The following HCN1 variants were observed in gnomAD, a reference collection of about 807,000 sequenced individuals.
HCN1 encodes the protein potassium/sodium hyperpolarization-activated cyclic nucleotide-gated channel 1.
Under a neutral mutation model 78.9 loss-of-function variants are expected in HCN1, and 13 were observed. That is an observed-to-expected ratio of 0.16 (90% CI 0.11 to 0.26). HCN1 has a LOEUF of 0.26. Ranked by LOEUF, HCN1 falls within the 10% of genes least tolerant of loss-of-function variation. HCN1 has a pLI of 1.00. For missense variants in HCN1, 810 were observed against 1,154.3 expected, an observed-to-expected ratio of 0.70 and a Z score of 4.32; for synonymous variants, 552 against 455.5, an observed-to-expected ratio of 1.21 and a Z score of -2.70.
At chr5:45,454,685 G>C (rs1213918370) in intron 3 of HCN1, among the ~76,000 whole-genome samples, 1 of 151,700 alleles carries the variant, frequency 6.6e-6, no homozygotes, top group Non-Finnish European at 1.5e-5. Flanking sequence ...TATTACTTTG[G>C]CTATATTATG....
At chr5:45,620,507 G>C (rs1389389611) in intron 2 of HCN1, among the ~76,000 whole-genome samples, 1 of 151,572 alleles carries the variant, frequency 6.6e-6, no homozygotes, top group Non-Finnish European at 1.5e-5. Context: ...ACTAGTATCA[G>C]AAGACAAATA....
intron 4 of HCN1, among the ~76,000 whole-genome samples, chr5:45,376,216 CATTAT>C (rs1561132335): frequency 2.1e-4 from 1 of 4,814 alleles, no homozygotes; most frequent in African/African-American, 1.0e-3. Flanking sequence ...ATATATAATA[CATTAT>C]ATATAATATA....
At chr5:45,632,538 G>T (rs996983920) in intron 2 of HCN1, among the ~76,000 whole-genome samples, 1 of 151,882 alleles carries the variant, frequency 6.6e-6, no homozygotes, top group African/African-American at 2.4e-5. Flanking sequence ...CTAAGAGTAC[G>T]AATTACAGCT....
chr5:45,680,199 T>C (rs1320375807), intron 1 of HCN1, among the ~76,000 whole-genome samples: 1 of 152,152 alleles, frequency 6.6e-6, no homozygotes, highest in Admixed American at 6.6e-5. Flanking sequence ...TTTTTCTCTT[T>C]GTACACTTAG....
intron 2 of HCN1, among the ~76,000 whole-genome samples, chr5:45,563,303 T>A (rs1448229229): frequency 6.6e-6 from 1 of 151,756 alleles, no homozygotes; most frequent in Non-Finnish European, 1.5e-5. Flanking sequence ...TACAAAAAAA[T>A]CAGCCAGGTG....
intron 2 of HCN1, among the ~76,000 whole-genome samples, chr5:45,572,537 T>G (rs1191612508): frequency 6.6e-6 from 1 of 152,202 alleles, no homozygotes; most frequent in Non-Finnish European, 1.5e-5. Context: ...TGTTTTTGTA[T>G]ATGTGGACAT....
intron 4 of HCN1, among the ~76,000 whole-genome samples, chr5:45,354,729 C>A (rs1002674531): frequency 3.9e-5 from 6 of 151,976 alleles, no homozygotes; most frequent in African/African-American, 1.4e-4. Flanking sequence ...GACTGTCCAT[C>A]AAACTATTTA....
At chr5:45,384,542 G>A (rs1026460892) in intron 4 of HCN1, among the ~76,000 whole-genome samples, 1 of 151,980 alleles carries the variant, frequency 6.6e-6, no homozygotes, top group African/African-American at 2.4e-5. Context: ...TAACATTCTT[G>A]TTTACTAAAC....
intron 5 of HCN1, 68 bp downstream of exon 5, chr5:45,353,012 TAGAGTAACGTGGACTAGAAG>T: frequency 8.8e-7 from 1 of 1,141,300 alleles, no homozygotes; most frequent in Non-Finnish European, 1.3e-6. Flanking sequence ...GGTTTTTCTT[TAGAGTAACGTGGACTAGAAG>T]ATTCTCCATG....
In HCN1 at chr5:45,344,718, C is replaced by T. The variant is rs149545376; in HGVS notation, c.1377+8382G>A. On this transcript the variant is annotated intron_variant, in intron 5 of 7. Transcript: ENST00000303230. ...AGGGCATGCTGATGCAAGAGGTGGGCTCGCATGGCCTTGGGCAGCTCTATC... is the reference window on the plus strand; with the variant it reads ...AGGGCATGCTGATGCAAGAGGTGGGTTCGCATGGCCTTGGGCAGCTCTATC... Among the ~76,000 whole-genome samples the T allele has an allele frequency of 6.5e-4, 99 of 152,334 alleles. 1 individual carries two copies. In the East Asian group the frequency reaches 0.011, roughly 18 times the overall value.
chr5:45,486,842 C>G (rs1035710653), intron 2 of HCN1, among the ~76,000 whole-genome samples: 1 of 151,996 alleles, frequency 6.6e-6, no homozygotes, highest in East Asian at 1.9e-4. Flanking sequence ...CTTTTATAAT[C>G]AGAAGATAAT....
At chr5:45,475,416 T>C (rs531416717) in intron 2 of HCN1, among the ~76,000 whole-genome samples, 112 of 152,194 alleles carry the variant, frequency 7.4e-4, no homozygotes, top group Middle Eastern at 3.4e-3. Flanking sequence ...TCTGACAACA[T>C]AAAACCCTCT....
chr5:45,487,508 A>T (rs564544965), intron 2 of HCN1, among the ~76,000 whole-genome samples: 68 of 151,996 alleles, frequency 4.5e-4, no homozygotes, highest in African/African-American at 1.5e-3. Context: ...TTTTTAATAT[A>T]TCTAGGCCAT....
chr5:45,580,067 G>A (rs187993791), intron 2 of HCN1, among the ~76,000 whole-genome samples: 18 of 152,182 alleles, frequency 1.2e-4, no homozygotes, highest in Non-Finnish European at 2.4e-4. Flanking sequence ...GACCTTCAAG[G>A]ATTCAGCCTA....
In HCN1 at chr5:45,365,777, A is replaced by AT. The variant is rs758478533; in HGVS notation, c.1231-12532dup. On this transcript the variant is annotated intron_variant, in intron 4 of 7. Transcript: ENST00000303230. ...TGAGAATCTCCATATCGTTTTACTTATTTTTTTTAAAAAAGACTTCTAATG... is the reference window on the plus strand; with the variant it reads ...TGAGAATCTCCATATCGTTTTACTTATTTTTTTTTAAAAAAGACTTCTAATG... 4.2e-4 allele frequency among the ~76,000 whole-genome samples: 64 copies of AT among 151,702 alleles called. No individual in the cohort carries two copies. In the East Asian group the frequency reaches 4.3e-3, roughly 10 times the overall value.
intron 3 of HCN1, among the ~76,000 whole-genome samples, chr5:45,408,741 T>C (rs1011581276): frequency 6.6e-6 from 1 of 152,190 alleles, no homozygotes; most frequent in East Asian, 1.9e-4. Context: ...ATCTCTTTTA[T>C]GGCATTCTTG....
intron 6 of HCN1, among the ~76,000 whole-genome samples, chr5:45,285,534 A>T (rs1347391770): frequency 6.6e-6 from 1 of 151,974 alleles, no homozygotes; most frequent in Non-Finnish European, 1.5e-5. Context: ...TATTTCGCTT[A>T]AACATTTTTT....
At chr5:45,615,838 T>G (rs1463693079) in intron 2 of HCN1, among the ~76,000 whole-genome samples, 1 of 151,896 alleles carries the variant, frequency 6.6e-6, no homozygotes, top group Non-Finnish European at 1.5e-5. Context: ...AAATTCTGAT[T>G]ACAAACGAAT....
chr5:45,694,268 G>A (rs1045188141), intron 1 of HCN1, among the ~76,000 whole-genome samples: 10 of 151,844 alleles, frequency 6.6e-5, no homozygotes, highest in African/African-American at 2.4e-4. Context: ...GTTCTCCTTT[G>A]GACTTTGCTG....
Sources: allele counts gnomAD v4.1 joint callset (sites outside exome capture counted in the v4.1 genomes callset), GRCh38; gene constraint gnomAD v4.1.1; transcripts MANE v1.5; gene names NCBI Gene and HGNC (gene_info 2026-07-23, HGNC 2026-07-21).